The following FAF1 variants were observed in gnomAD, a reference collection of about 807,000 sequenced individuals.
The protein encoded by FAF1 is FAS-associated factor 1.
FAF1 carries 25 observed loss-of-function variants against 92.5 expected under a neutral mutation model. The ratio of observed to expected loss-of-function variants is 0.27; its 90% confidence interval spans 0.20 to 0.38. The LOEUF is 0.38. FAF1 is among the 10% of genes least tolerant of loss of function. FAF1 has a pLI of 1.00. For synonymous variants in FAF1, 234 were observed against 273.2 expected (o/e 0.86, Z 1.42); for missense variants, 636 against 793.3 (o/e 0.80, Z 2.38).
intron 1 of FAF1, among the ~76,000 whole-genome samples, chr1:50,905,044 A>G (rs114439578): frequency 0.012 from 1,770 of 151,912 alleles, 16 homozygotes; most frequent in Non-Finnish European, 0.017. Context: ...CCAGCCCCCC[A>G]CCCCACAACA....
intron 8 of FAF1, among the ~76,000 whole-genome samples, chr1:50,646,231 T>A (rs944551824): frequency 6.6e-6 from 1 of 152,174 alleles, no homozygotes. Flanking sequence ...CTCCATTTCC[T>A]CTGCCTCCCA....
chr1:50,885,068 G>C (rs1405115921), intron 1 of FAF1, among the ~76,000 whole-genome samples: 1 of 152,144 alleles, frequency 6.6e-6, no homozygotes, highest in East Asian at 1.9e-4. Context: ...TAGTTGCTCT[G>C]AGTAGTCACT....
intron 1 of FAF1, among the ~76,000 whole-genome samples, chr1:50,948,798 T>C (rs1645192038): frequency 6.6e-6 from 1 of 152,104 alleles, no homozygotes; most frequent in Non-Finnish European, 1.5e-5. Flanking sequence ...AGTGCTGAGA[T>C]TACAGGTGTG....
At position 50,861,179 on chromosome 1, in the gene FAF1, T is replaced by C. The variant is rs1644429153; in HGVS notation, c.46-3182A>G. Among the ~76,000 whole-genome samples the C allele has an allele frequency of 2.6e-5, 4 of 151,956 alleles. No individual in the cohort carries two copies. The South Asian group carries it at 8.3e-4, about 31-fold the overall frequency. ...AGCATCACACAATATATCTAGGTAATAAACTTCTATCTGTACTCCCTGAAT... is the reference window on the plus strand; with the variant it reads ...AGCATCACACAATATATCTAGGTAACAAACTTCTATCTGTACTCCCTGAAT... On this transcript the variant is annotated intron_variant, in intron 1 of 18. Coordinates refer to ENST00000396153, the MANE Select transcript of FAF1 (RefSeq NM_007051.3).
At chr1:50,852,172 T>C (rs920953862) in intron 2 of FAF1, among the ~76,000 whole-genome samples, 9 of 152,232 alleles carry the variant, frequency 5.9e-5, no homozygotes, top group African/African-American at 2.2e-4. Context: ...AGAAATCATG[T>C]AATTTTACTA....
At chr1:50,531,050 T>C (rs1409294461) in intron 15 of FAF1, among the ~76,000 whole-genome samples, 3 of 152,222 alleles carry the variant, frequency 2.0e-5, no homozygotes, top group East Asian at 1.9e-4. Flanking sequence ...AAACGTTATC[T>C]TCCCTACAGT....
chr1:50,801,558 CA>C, intron 3 of FAF1, 72 bp downstream of exon 3: 4 of 822,034 alleles, frequency 4.9e-6, no homozygotes, highest in Non-Finnish European at 4.1e-6. Context: ...AAAAATAAAA[CA>C]AAAAAATTAA....
intron 4 of FAF1, among the ~76,000 whole-genome samples, chr1:50,772,012 T>C (rs903945000): frequency 1.3e-5 from 2 of 152,134 alleles, no homozygotes; most frequent in African/African-American, 2.4e-5. Context: ...GCAGAGATTA[T>C]GGATAAGTTG....
intron 1 of FAF1, 85 bp downstream of exon 1, chr1:50,959,682 T>C: frequency 8.0e-7 from 1 of 1,246,138 alleles, no homozygotes; most frequent in Non-Finnish European, 1.1e-6. Context: ...CACTGCAGCG[T>C]TCAAACGCTG....
At chr1:50,657,174 C>T (rs947309439) in intron 7 of FAF1, among the ~76,000 whole-genome samples, 11 of 151,108 alleles carry the variant, frequency 7.3e-5, no homozygotes, top group Admixed American at 5.9e-4. Flanking sequence ...ATCATGCCAC[C>T]GCACTCCCAC....
chr1:50,442,242 T>C (rs1023823473), intron 18 of FAF1, among the ~76,000 whole-genome samples: 5 of 152,136 alleles, frequency 3.3e-5, no homozygotes, highest in African/African-American at 1.2e-4. Context: ...CTTCTGAATC[T>C]GCGAGTGAGA....
chr1:50,635,215 GA>G (rs965204775), intron 8 of FAF1, among the ~76,000 whole-genome samples: 2 of 152,146 alleles, frequency 1.3e-5, no homozygotes, highest in African/African-American at 4.8e-5. Flanking sequence ...TATGTTCAAA[GA>G]CATACTGCCT....
intron 13 of FAF1, among the ~76,000 whole-genome samples, chr1:50,558,330 C>T (rs1649698266): frequency 6.6e-6 from 1 of 152,028 alleles, no homozygotes; most frequent in African/African-American, 2.4e-5. Flanking sequence ...AAAATACAAG[C>T]ATAACCAGCT....
intron 1 of FAF1, among the ~76,000 whole-genome samples, chr1:50,881,115 A>G (rs570551826): frequency 6.6e-6 from 1 of 152,338 alleles, no homozygotes; most frequent in Non-Finnish European, 1.5e-5. Context: ...TGTAGCTAGT[A>G]TGAGAATCAC....
intron 6 of FAF1, among the ~76,000 whole-genome samples, chr1:50,737,954 A>G (rs750534094): frequency 2.6e-5 from 4 of 152,192 alleles, no homozygotes; most frequent in Non-Finnish European, 5.9e-5. Context: ...ATAATACTGT[A>G]TGAAAAGATT....
rs1398175399 is a variant in FAF1, at chr1:50,959,853, C to A, written c.-42G>T. The A allele has an allele frequency of 1.3e-6, 2 of 1,488,740 alleles. No individual in the cohort carries two copies. The highest frequency in any genetic ancestry group is 1.8e-6 in the Non-Finnish European group (2 of 1,106,036). 92.2% of individuals were successfully genotyped at this position (1,488,740 alleles called of 1,614,324 possible). On this transcript the variant is annotated 5_prime_UTR_variant, in exon 1 of 19. Transcript: ENST00000396153. The stretch of plus-strand genomic sequence containing the variant: ...CGCGGCTCCGGGAGCGAAGCGCGCA[C>A]CTGGGAGGCAGACGGCACCTCCTGC...
intron 7 of FAF1, among the ~76,000 whole-genome samples, chr1:50,687,321 A>G (rs1656708255): frequency 1.3e-5 from 2 of 150,328 alleles, no homozygotes; most frequent in South Asian, 4.2e-4. Context: ...AAGTCATACA[A>G]CCACCTTAAC....
At chr1:50,815,622 A>G (rs1361735429) in intron 2 of FAF1, among the ~76,000 whole-genome samples, 1 of 152,242 alleles carries the variant, frequency 6.6e-6, no homozygotes, top group East Asian at 1.9e-4. Flanking sequence ...AGAAATCTCT[A>G]AACTGCGTTC....
intron 8 of FAF1, among the ~76,000 whole-genome samples, chr1:50,597,901 C>G (rs935834509): frequency 6.6e-6 from 1 of 152,198 alleles, no homozygotes; most frequent in Non-Finnish European, 1.5e-5. Flanking sequence ...TATTTAGTAA[C>G]AGGAGACGGC....
Sources: allele counts gnomAD v4.1 joint callset (sites outside exome capture counted in the v4.1 genomes callset), GRCh38; gene constraint gnomAD v4.1.1; transcripts MANE v1.5; gene names NCBI Gene and HGNC (gene_info 2026-07-23, HGNC 2026-07-21).